LPCAT2: variants seen among roughly 807,000 people sequenced by gnomAD.
LPCAT2 encodes the protein 1-AGP acyltransferase 11.
In LPCAT2, 58 loss-of-function variants were observed where a neutral mutation model predicts 64.7. The ratio of observed to expected loss-of-function variants is 0.90; its 90% CI spans 0.73 to 1.12. LPCAT2 has a LOEUF of 1.12. Ranked by LOEUF, LPCAT2 falls within the 50% of genes most tolerant of loss-of-function variation. LPCAT2 has a pLI of 0.00. For missense variants in LPCAT2, 579 were observed against 669.8 expected, an observed-to-expected ratio of 0.86 and a Z score of 1.50; for synonymous variants, 252 against 245.3, an observed-to-expected ratio of 1.03 and a Z score of -0.26.
At chr16:55,532,957 A>G in intron 6 of LPCAT2, 75 bp downstream of exon 6, 2 of 1,224,674 alleles carry the variant, frequency 1.6e-6, no homozygotes, top group South Asian at 1.3e-5. Flanking sequence ...CCCTTTTAAT[A>G]TATAAATAAG....
intron 11 of LPCAT2, 42 bp from the exon 12 acceptor site, chr16:55,574,589 C>A: frequency 7.7e-7 from 1 of 1,295,154 alleles, no homozygotes; most frequent in Non-Finnish European, 1.1e-6. Flanking sequence ...ATAGTAATTC[C>A]ACTAGTGGCC....
At position 55,525,588 on chromosome 16, in the gene LPCAT2, T is replaced by A; in HGVS notation, c.252T>A (p.Ala84=). The A allele has an allele frequency of 6.2e-7, 1 of 1,612,752 alleles. No homozygotes were observed. Among genetic ancestry groups the A allele is most frequent in the Non-Finnish European group, 8.5e-7 (1 of 1,179,256 alleles). ...ALILLLAWPF[A]AISTVCCPEK... ...TTTTATTACTTGCATGGCCATTTGCTGCAATTTCAACAGTATGCTGTCCTG... is the reference window on the plus strand; with the variant it reads ...TTTTATTACTTGCATGGCCATTTGCAGCAATTTCAACAGTATGCTGTCCTG... The change falls in exon 2 of 14, where the codon GCT becomes GCA. Residue 84 remains alanine (A), a synonymous_variant. Coordinates refer to ENST00000262134, the MANE Select transcript of LPCAT2 (RefSeq NM_017839.5).
intron 11 of LPCAT2, among the ~76,000 whole-genome samples, chr16:55,564,026 A>G (rs1297657822): frequency 2.6e-5 from 4 of 151,976 alleles, no homozygotes; most frequent in Admixed American, 2.6e-4. Context: ...ATGAATCAAC[A>G]CACAAAAATC....
intron 11 of LPCAT2, 60 bp downstream of exon 11, chr16:55,551,162 A>T: frequency 7.0e-7 from 1 of 1,433,390 alleles, no homozygotes; most frequent in Non-Finnish European, 9.4e-7. Context: ...GAGTAAATCA[A>T]TATGGTAGGC....
chr16:55,518,609 A>G (rs1336073669), intron 1 of LPCAT2, among the ~76,000 whole-genome samples: 1 of 152,242 alleles, frequency 6.6e-6, no homozygotes, highest in Non-Finnish European at 1.5e-5. Context: ...AGAATTGACA[A>G]TACAGAAGTA....
At chr16:55,511,471 A>G (rs1216418981) in intron 1 of LPCAT2, among the ~76,000 whole-genome samples, 2 of 152,218 alleles carry the variant, frequency 1.3e-5, no homozygotes, top group Non-Finnish European at 2.9e-5. Context: ...TTAATCTTAA[A>G]TGATGATCAA....
intron 9 of LPCAT2, among the ~76,000 whole-genome samples, chr16:55,548,153 C>T (rs1596871164): frequency 6.6e-6 from 1 of 152,162 alleles, no homozygotes; most frequent in East Asian, 1.9e-4. Context: ...AGCTTAAAGA[C>T]ATAATTTTAT....
Position 55,532,844 on chromosome 16 carries a change from C to T in LPCAT2, c.724C>T (p.Pro242Ser), listed in dbSNP as rs1482168615. 2.5e-6 allele frequency: 4 copies of T among 1,611,870 alleles called. No homozygotes were observed. Among genetic ancestry groups the T allele is most frequent in the Non-Finnish European group, 3.4e-6 (4 of 1,178,656 alleles). The change falls in exon 6 of 14, where the codon CCA becomes TCA. Residue 242 changes from proline to serine, a missense_variant. By Grantham distance (74) the Pro-to-Ser change is moderately conservative (BLOSUM62 -1). Transcript: ENST00000262134. ...TGCAGGAGCCTTCATTCCAGGAGTT[C>T]CAGTGCAGCCAGTCCTCCTCAGATA... is the stretch of plus-strand genomic sequence containing the variant. ...FKPGAFIPGV[P>S]VQPVLLRYPN...
At chr16:55,573,962 A>G (rs148894176) in intron 11 of LPCAT2, among the ~76,000 whole-genome samples, 15 of 152,284 alleles carry the variant, frequency 9.9e-5, no homozygotes, top group East Asian at 1.9e-4. Context: ...CTGAATTACA[A>G]TAATCAATTT....
intron 6 of LPCAT2, among the ~76,000 whole-genome samples, chr16:55,533,415 T>G (rs1433482643): frequency 7.1e-6 from 1 of 141,788 alleles, no homozygotes; most frequent in African/African-American, 2.7e-5. Context: ...GGTTTTTTTT[T>G]TTTTTTTTTT....
At chr16:55,533,225 T>A (rs1963277153) in intron 6 of LPCAT2, among the ~76,000 whole-genome samples, 1 of 151,958 alleles carries the variant, frequency 6.6e-6, no homozygotes, top group African/African-American at 2.4e-5. Flanking sequence ...TAGAAAGAAA[T>A]TTTTCCTGAC....
Position 55,534,439 on chromosome 16 carries a change from A to G in LPCAT2, c.763-4A>G, listed in dbSNP as rs1333581457. The G allele has an allele frequency of 6.5e-7, 1 of 1,527,136 alleles. No homozygotes were observed. Among genetic ancestry groups the G allele is most frequent in the South Asian group, 1.2e-5 (1 of 83,938 alleles). The allele number at this position is 1,527,136 out of a possible 1,614,324, so 94.6% of individuals were successfully genotyped here. A position where few individuals can be genotyped will look rare whatever the true frequency, so the allele number is the denominator to read the frequency against. On this transcript the variant is annotated splice_polypyrimidine_tract_variant and splice_region_variant and intron_variant, in intron 6 of 13. Transcript: ENST00000262134. ...CAACAGCTAAAATAATTTTGTTATT[A>G]TAGGATACTGTGACCTGGACATGGC...
chr16:55,513,628 G>A (rs1962965729), intron 1 of LPCAT2, among the ~76,000 whole-genome samples: 1 of 152,080 alleles, frequency 6.6e-6, no homozygotes. Context: ...TAGAATAGTA[G>A]GCTTCGTTAC....
In LPCAT2 at chr16:55,583,323, T is replaced by G. The variant is rs1963908576; in HGVS notation, c.*225T>G. 2.4e-6 allele frequency: 1 copy of G among 413,696 alleles called. No individual in the cohort carries two copies. Among genetic ancestry groups the G allele is most frequent in the South Asian group, 4.0e-5 (1 of 24,714 alleles). The allele number at this position is 413,696 out of a possible 1,614,324, so 25.6% of individuals were successfully genotyped here. ...TTGTGTTATATTGTACTTTACTGATTCATTTACTGGTGATACATATGTTTT... is the reference window on the plus strand; with the variant it reads ...TTGTGTTATATTGTACTTTACTGATGCATTTACTGGTGATACATATGTTTT... On this transcript the variant is annotated 3_prime_UTR_variant, in exon 14 of 14. Transcript: ENST00000262134.
chr16:55,582,826 A>G, intron 13 of LPCAT2, 88 bp from the exon 14 acceptor site: 1 of 818,646 alleles, frequency 1.2e-6, no homozygotes, highest in Non-Finnish European at 1.9e-6. Flanking sequence ...TTTTGTAATA[A>G]TTGCATTATT....
intron 11 of LPCAT2, among the ~76,000 whole-genome samples, chr16:55,556,339 A>G (rs1394178717): frequency 6.6e-6 from 1 of 152,218 alleles, no homozygotes; most frequent in African/African-American, 2.4e-5. Context: ...AGGAAGGGAC[A>G]TGAAACAGGG....
chr16:55,545,307 G>C (rs1292817270), intron 8 of LPCAT2, among the ~76,000 whole-genome samples: 1 of 152,062 alleles, frequency 6.6e-6, no homozygotes, highest in Admixed American at 6.6e-5. Context: ...GGATAGAGAA[G>C]ATGAAAGGCA....
rs1203280737 is a variant in LPCAT2 at position 55,586,582 on chromosome 16, T to C, written c.*3484T>C. On this transcript the variant is annotated 3_prime_UTR_variant, in exon 14 of 14. Transcript: ENST00000262134. ...TAAAATTCTCTGTGAATGTAAATTT[T>C]AAAAACTGTACCTACTGTTTTTTGG... 1 of 127,394 alleles carries C rather than the reference T, an allele frequency of 7.8e-6. No homozygotes were observed. The highest frequency in any genetic ancestry group is 1.5e-5 in the Non-Finnish European group (1 of 67,492). 7.9% of individuals were successfully genotyped at this position (127,394 alleles called of 1,614,324 possible).
intron 11 of LPCAT2, among the ~76,000 whole-genome samples, chr16:55,572,549 G>A (rs950763273): frequency 9.2e-5 from 14 of 152,194 alleles, no homozygotes; most frequent in Admixed American, 7.2e-4. Flanking sequence ...AAATTAAATG[G>A]TGGTGGCAAA....
Sources: gnomAD v4.1 joint callset for allele counts (sites outside exome capture counted in the v4.1 genomes callset) on GRCh38, gnomAD v4.1.1 for gene constraint, MANE v1.5 for transcripts, NCBI Gene and HGNC (gene_info 2026-07-23, HGNC 2026-07-21) for gene names.